Variants in SLC35F5 observed in about 807,000 individuals in gnomAD.
SLC35F5 encodes HCV NS5A-transactivated protein 3.
In SLC35F5, 54 loss-of-function variants were observed where a neutral mutation model predicts 68.6. The observed-to-expected ratio is 0.79, with a 90% CI of 0.63 to 0.99. The LOEUF (loss-of-function observed/expected upper bound fraction) is 0.99. Among genes scored for constraint, SLC35F5 ranks in the 50% least tolerant of loss-of-function variants. SLC35F5 has a pLI of 0.00. For synonymous variants in SLC35F5, 211 were observed against 205.2 expected, an observed-to-expected ratio of 1.03 and a Z score of -0.24; for missense variants, 567 against 626.9, an observed-to-expected ratio of 0.90 and a Z score of 1.02.
At chr2:113,739,730 G>C (rs1429088739) in intron 7 of SLC35F5, among the ~76,000 whole-genome samples, 1 of 152,022 alleles carries the variant, frequency 6.6e-6, no homozygotes, top group Non-Finnish European at 1.5e-5. Context: ...GTTGACCCTT[G>C]AACAACATGG....
chr2:113,729,363 TTAGAG>T, intron 11 of SLC35F5, 33 bp downstream of exon 11: 1 of 1,082,522 alleles, frequency 9.2e-7, no homozygotes, highest in African/African-American at 1.6e-5. Context: ...TGTTAATCAT[TTAGAG>T]TAAATAGCCT....
intron 3 of SLC35F5, among the ~76,000 whole-genome samples, chr2:113,752,529 A>C (rs1488914622): frequency 6.6e-6 from 1 of 152,218 alleles, no homozygotes; most frequent in African/African-American, 2.4e-5. Flanking sequence ...AAGACTTTAC[A>C]CCTAACTACC....
Position 113,755,738 on chromosome 2 carries a change from T to C in SLC35F5, c.41-194A>G, listed in dbSNP as rs376023889. On this transcript the variant is annotated intron_variant, in intron 1 of 15. Transcript: ENST00000245680. ...ACGCTTCAGATTATACTTAGAGAGA[T>C]ACGCGATACGGGGCGGGCAGGGAGG... The C allele has an allele frequency of 3.2e-5, 34 of 1,076,010 alleles. No individual in the cohort carries two copies. The African/African-American group carries it at 3.9e-4, about 12-fold the overall frequency. The allele number at this position is 1,076,010 out of a possible 1,614,324, so 66.7% of individuals were successfully genotyped here.
intron 11 of SLC35F5, among the ~76,000 whole-genome samples, chr2:113,727,596 G>A (rs1687714384): frequency 6.6e-6 from 1 of 152,072 alleles, no homozygotes; most frequent in African/African-American, 2.4e-5. Context: ...GGCGCCACAT[G>A]CCTTTCTGTT....
intron 13 of SLC35F5, among the ~76,000 whole-genome samples, chr2:113,720,918 C>T (rs551765365): frequency 1.4e-3 from 210 of 152,136 alleles, no homozygotes; most frequent in African/African-American, 4.8e-3. Flanking sequence ...AATTTGATTT[C>T]CAACAAGCTA....
At position 113,755,465 on chromosome 2, in the gene SLC35F5, A is replaced by G; in HGVS notation, c.120T>C (p.Ala40=). Residue 40 remains alanine, a synonymous_variant, in exon 2 of 16, where the codon GCT becomes GCC. Transcript: ENST00000245680. ...SGIALEDLRR[A]LKTRLQMVCV... ...AACGTGGAATCTACCTTGTCTTAAGAGCCCTTCTGAGATCCTCAAGAGCAA... is the reference window on the plus strand; with the variant it reads ...AACGTGGAATCTACCTTGTCTTAAGGGCCCTTCTGAGATCCTCAAGAGCAA... The G allele has an allele frequency of 6.2e-7, 1 of 1,614,156 alleles. No individual in the cohort carries two copies. Among genetic ancestry groups the G allele is most frequent in the Non-Finnish European group, 8.5e-7 (1 of 1,179,996 alleles).
chr2:113,726,309 A>T (rs1251643762), intron 11 of SLC35F5, among the ~76,000 whole-genome samples: 1 of 152,194 alleles, frequency 6.6e-6, no homozygotes, highest in African/African-American at 2.4e-5. Context: ...GGCACATGGT[A>T]AGCACTTAAT....
chr2:113,710,222 A>G lies in SLC35F5; in HGVS notation c.*4996T>C, dbSNP rs540030205. 6.6e-6 allele frequency among the ~76,000 whole-genome samples: 1 copy of G among 152,346 alleles called. No homozygotes were observed. The highest frequency in any genetic ancestry group is 6.5e-5 in the Admixed American group (1 of 15,302). On this transcript the variant is annotated 3_prime_UTR_variant, in exon 16 of 16. Coordinates refer to ENST00000245680, the MANE Select transcript of SLC35F5 (RefSeq NM_025181.5). ...TCTGAAACTTTACTTAGGAGTATGCATATTAAAATATATATATAACTTAAC... is the reference window on the plus strand; with the variant it reads ...TCTGAAACTTTACTTAGGAGTATGCGTATTAAAATATATATATAACTTAAC...
chr2:113,745,695 TAA>T (rs1319547517), intron 5 of SLC35F5, among the ~76,000 whole-genome samples: 2 of 151,602 alleles, frequency 1.3e-5, no homozygotes, highest in Non-Finnish European at 3.0e-5. Flanking sequence ...AAATAAAAAA[TAA>T]AAAAAGAGAT....
downstream of SLC35F5, among the ~76,000 whole-genome samples, chr2:113,704,462 G>A (rs1344031057): frequency 2.0e-5 from 3 of 152,206 alleles, no homozygotes; most frequent in Admixed American, 6.5e-5. Context: ...ACTGGGCACC[G>A]CGGAGCAGGG....
At chr2:113,716,977 G>A (rs1347980518) in intron 15 of SLC35F5, among the ~76,000 whole-genome samples, 1 of 151,998 alleles carries the variant, frequency 6.6e-6, no homozygotes, top group Non-Finnish European at 1.5e-5. Context: ...AGATAGGGAG[G>A]GAAAACTCAG....
At chr2:113,706,536 A>G (rs1035719672), downstream of SLC35F5, among the ~76,000 whole-genome samples, 12 of 151,998 alleles carry the variant, frequency 7.9e-5, no homozygotes, top group Non-Finnish European at 1.6e-4. Context: ...CTTATTCAGG[A>G]CCCTCCCAAG....
intron 1 of SLC35F5, chr2:113,755,899 C>G (rs1234640630): frequency 6.4e-7 from 1 of 1,550,606 alleles, no homozygotes; most frequent in Non-Finnish European, 8.7e-7. Flanking sequence ...CGTCTAGACA[C>G]TGTTTCTAAA....
chr2:113,753,553 A>T (rs1676843679), intron 3 of SLC35F5, among the ~76,000 whole-genome samples: 1 of 152,200 alleles, frequency 6.6e-6, no homozygotes, highest in African/African-American at 2.4e-5. Context: ...ATGAGATTGT[A>T]AAACATCCTC....
chr2:113,740,084 T>A (rs1676182716), intron 7 of SLC35F5, among the ~76,000 whole-genome samples: 1 of 152,174 alleles, frequency 6.6e-6, no homozygotes, highest in Non-Finnish European at 1.5e-5. Context: ...CAGAGATAGA[T>A]GAAAATCTGT....
At position 113,717,950 on chromosome 2, in the gene SLC35F5, C is replaced by A. The variant is rs1687242537; in HGVS notation, c.1497-100G>T. On this transcript the variant is annotated intron_variant, in intron 14 of 15. Coordinates refer to ENST00000245680, the MANE Select transcript of SLC35F5 (RefSeq NM_025181.5). ...TGCCTGAAGCTATGTGGACAGGATG[C>A]AAGTCAGTGGCAGAACCAACACTAG... 10 of 731,606 alleles carry A rather than the reference C, an allele frequency of 1.4e-5. No individual in the cohort carries two copies. In the East Asian group the frequency reaches 2.7e-4, roughly 20 times the overall value. 45.3% of individuals were successfully genotyped at this position (731,606 alleles called of 1,614,324 possible).
At chr2:113,744,409 T>C (rs1676402430) in intron 5 of SLC35F5, among the ~76,000 whole-genome samples, 1 of 152,166 alleles carries the variant, frequency 6.6e-6, no homozygotes, top group South Asian at 2.1e-4. Flanking sequence ...GAGTACCAAC[T>C]CTAGAGCAGT....
chr2:113,735,992 G>T, intron 7 of SLC35F5, 134 bp from the exon 8 acceptor site: 1 of 545,406 alleles, frequency 1.8e-6, no homozygotes, highest in Non-Finnish European at 3.3e-6. Flanking sequence ...GCTTTGTATT[G>T]AAAAAATCAC....
At chr2:113,742,401 G>A (rs1307537054) in intron 7 of SLC35F5, 3 of 463,458 alleles carry the variant, frequency 6.5e-6, no homozygotes, top group South Asian at 9.3e-5. Flanking sequence ...TTTTGAGCAT[G>A]AGGCAATGCT....
Sources: gnomAD v4.1 joint callset for allele counts (sites outside exome capture counted in the v4.1 genomes callset) on GRCh38, gnomAD v4.1.1 for gene constraint, MANE v1.5 for transcripts, NCBI Gene and HGNC (gene_info 2026-07-23, HGNC 2026-07-21) for gene names.